The following COL6A5 variants were observed in gnomAD, a reference collection of about 807,000 sequenced individuals.
COL6A5 encodes collagen alpha-5(VI) chain.
In COL6A5, 48 loss-of-function variants were observed where a neutral mutation model predicts 65.6. The ratio of observed to expected loss-of-function variants is 0.73; its 90% confidence interval spans 0.58 to 0.93. The LOEUF is 0.93. Ranked by LOEUF, COL6A5 falls within the 40% of genes least tolerant of loss-of-function variation. The pLI is 0.00. For missense variants in COL6A5, 914 were observed against 928.3 expected (o/e 0.98, Z 0.20); for synonymous variants, 291 against 322.8 (o/e 0.90, Z 1.05).
At chr3:130,470,951 A>G (rs1236669176) in exon 7 of COL6A5, 3 of 1,611,454 alleles carry the variant, frequency 1.9e-6, no homozygotes, top group Admixed American at 3.3e-5. Flanking sequence ...GAACGGTGGC[A>G]CAGAAAACAC....
intron 4 of COL6A5, among the ~76,000 whole-genome samples, chr3:130,448,755 A>G (rs1709361282): frequency 6.6e-6 from 1 of 152,222 alleles, no homozygotes; most frequent in African/African-American, 2.4e-5. Flanking sequence ...GCAGATTGTA[A>G]GGCTATTTAG....
rs1410241297 is a variant in COL6A5, at chr3:130,376,840, A to G, written c.667+4A>G. The G allele has an allele frequency of 1.9e-6, 3 of 1,603,734 alleles. No homozygotes were observed. The African/African-American group carries it at 4.0e-5, about 22-fold the overall frequency. Reference sequence around the variant, plus strand: ...GCCGTCGATGCTGATATGCAAGGTAAGGAAACCCTTGGTTGAAGAGGTGCC... The same window carrying G: ...GCCGTCGATGCTGATATGCAAGGTAGGGAAACCCTTGGTTGAAGAGGTGCC... On this transcript the variant is annotated splice_donor_region_variant and intron_variant and NMD_transcript_variant, in intron 3 of 41. Transcript: ENST00000312481.
intron 6 of COL6A5, among the ~76,000 whole-genome samples, chr3:130,470,550 A>T (rs966487537): frequency 2.0e-5 from 3 of 152,010 alleles, no homozygotes; most frequent in Admixed American, 6.6e-5. Flanking sequence ...AAATATAAAC[A>T]TTTTTTAAAA....
intron 1 of COL6A5, among the ~76,000 whole-genome samples, chr3:130,368,479 C>T (rs1246898629): frequency 2.0e-5 from 3 of 151,998 alleles, no homozygotes; most frequent in Non-Finnish European, 2.9e-5. Flanking sequence ...AACGAAGAGT[C>T]CAGTCCTGCC....
In COL6A5 at chr3:130,413,697, A is replaced by C. The variant is rs186095908; in HGVS notation, c.4698+117A>C. ...TTTTACAAGGGTATAGGAAGTGCCC[A>C]GTACTGGACGTGATCCCCACTGACC... On this transcript the variant is annotated intron_variant and NMD_transcript_variant, in intron 21 of 41. Transcript: ENST00000312481. 1.4e-4 allele frequency: 148 copies of C among 1,053,032 alleles called. 1 individual carries two copies. In the African/African-American group the frequency reaches 1.9e-3, roughly 14 times the overall value. The allele number at this position is 1,053,032 out of a possible 1,614,324, so 65.2% of individuals were successfully genotyped here. A position where few individuals can be genotyped will look rare whatever the true frequency, so the allele number is the denominator to read the frequency against.
At chr3:130,475,609 C>T (rs819089) in intron 7 of COL6A5, among the ~76,000 whole-genome samples, 113,601 of 151,980 alleles carry the variant, frequency 0.75, 44,506 homozygotes, top group Non-Finnish European at 0.88. Flanking sequence ...GCAGACCTGT[C>T]CTAAAGGAGA....
chr3:130,419,035 G>C lies in COL6A5; in HGVS notation c.4950+104G>C, dbSNP rs373824870. The C allele has an allele frequency of 3.4e-5, 29 of 844,606 alleles. No homozygotes were observed. The African/African-American group carries it at 4.6e-4, about 13-fold the overall frequency. 52.3% of individuals were successfully genotyped at this position (844,606 alleles called of 1,614,324 possible). A position where few individuals can be genotyped will look rare whatever the true frequency, so the allele number is the denominator to read the frequency against. On this transcript the variant is annotated intron_variant and NMD_transcript_variant, in intron 25 of 41. Transcript: ENST00000312481. ...AGCCCAATTATGGGGGGCATGAAAG[G>C]TATTTCAGCATCTAGGAAAATGTGA...
intron 3 of COL6A5, 86 bp from the exon 4 acceptor site, chr3:130,379,332 C>T: frequency 2.5e-6 from 3 of 1,224,312 alleles, no homozygotes; most frequent in South Asian, 1.6e-5. Flanking sequence ...TCTATTCTAA[C>T]TAATGTGCTT....
intron 2 of COL6A5, among the ~76,000 whole-genome samples, chr3:130,375,076 G>T (rs1935714938): frequency 1.3e-5 from 2 of 152,164 alleles, no homozygotes; most frequent in Non-Finnish European, 2.9e-5. Context: ...TTCAGGAGCA[G>T]CACGGCTGAC....
chr3:130,357,357 G>A (rs78242499), intron 1 of COL6A5, among the ~76,000 whole-genome samples: 4 of 152,084 alleles, frequency 2.6e-5, no homozygotes, highest in Admixed American at 1.3e-4. Context: ...TGGCCTTGTC[G>A]GTATATGGGT....
At chr3:130,472,601 T>C (rs1172089652) in intron 7 of COL6A5, among the ~76,000 whole-genome samples, 3 of 151,744 alleles carry the variant, frequency 2.0e-5, no homozygotes, top group Non-Finnish European at 4.4e-5. Flanking sequence ...AATATGTATA[T>C]CCAGTGACCC....
exon 7 of COL6A5, chr3:130,391,619 G>A (rs758315169): frequency 1.9e-6 from 3 of 1,551,678 alleles, no homozygotes; most frequent in South Asian, 2.4e-5. Flanking sequence ...TGCAGTGGGT[G>A]TAGGAAAGGC....
chr3:130,403,491 C>G lies in COL6A5; in HGVS notation c.4228-118C>G, dbSNP rs1028367678. 7.6e-6 allele frequency: 6 copies of G among 792,000 alleles called. No homozygotes were observed. The East Asian group carries it at 1.6e-4, about 22-fold the overall frequency. 49.1% of individuals were successfully genotyped at this position (792,000 alleles called of 1,614,324 possible). A position where few individuals can be genotyped will look rare whatever the true frequency, so the allele number is the denominator to read the frequency against. ...ATTCTCCCCAAACTCACGGCCACAT[C>G]TGCAGAAACTGCAACCAAGTTGGAG... On this transcript the variant is annotated intron_variant and NMD_transcript_variant, in intron 12 of 41. Transcript: ENST00000312481.
intron 26 of COL6A5, 60 bp downstream of exon 26, chr3:130,421,263 G>T: frequency 6.5e-7 from 1 of 1,547,124 alleles, no homozygotes; most frequent in Non-Finnish European, 8.7e-7. Context: ...AATACAAGAA[G>T]AAATGTTCAT....
At chr3:130,412,144 C>G (rs4688797) in intron 20 of COL6A5, among the ~76,000 whole-genome samples, 1 of 152,070 alleles carries the variant, frequency 6.6e-6, no homozygotes, top group African/African-American at 2.4e-5. Flanking sequence ...AGGCCCTATG[C>G]TTTTTGCCTG....
Position 130,462,740 on chromosome 3 carries a change from C to T in COL6A5, c.1545-6055C>T, listed in dbSNP as rs180790792. Among the ~76,000 whole-genome samples, 209 of 152,104 alleles carry T rather than the reference C, an allele frequency of 1.4e-3. 1 individual carries two copies. Among genetic ancestry groups the T allele is most frequent in the Non-Finnish European group, 2.0e-3 (136 of 67,972 alleles). Reference sequence around the variant, plus strand: ...GAAAAATTACAAATTGCATTTAGTTCGTATATAGTTGCTTACTTTTGGAAG... The same window carrying T: ...GAAAAATTACAAATTGCATTTAGTTTGTATATAGTTGCTTACTTTTGGAAG... On this transcript the variant is annotated intron_variant, in intron 5 of 7. Coordinates refer to ENST00000512836, the Ensembl canonical transcript of COL6A5.
chr3:130,451,822 G>T (rs190145874), intron 4 of COL6A5, among the ~76,000 whole-genome samples: 2 of 152,220 alleles, frequency 1.3e-5, no homozygotes, highest in Non-Finnish European at 2.9e-5. Context: ...TGAGGAAAAG[G>T]TGGAGGATCG....
exon 3 of COL6A5, chr3:130,440,322 T>C (rs1361455510): frequency 6.2e-7 from 1 of 1,613,432 alleles, no homozygotes; most frequent in East Asian, 2.2e-5. Flanking sequence ...AACTTCAACA[T>C]TGCTTCAGAC....
At chr3:130,431,049 A>G (rs1937780205), upstream of COL6A5, among the ~76,000 whole-genome samples, 3 of 152,146 alleles carry the variant, frequency 2.0e-5, no homozygotes, top group Admixed American at 1.3e-4. Context: ...AATAAGCTAT[A>G]ATTTATTTTT....
Sources: gnomAD v4.1 joint callset for allele counts (sites outside exome capture counted in the v4.1 genomes callset) on GRCh38, gnomAD v4.1.1 for gene constraint, MANE v1.5 for transcripts, NCBI Gene and HGNC (gene_info 2026-07-23, HGNC 2026-07-21) for gene names.